Variants in DENND1A observed in about 807,000 individuals in gnomAD.
DENND1A encodes the protein DENN domain containing 1A.
A neutral mutation model predicts 113.7 loss-of-function variants in DENND1A; 51 were observed. That is an observed-to-expected ratio of 0.45 (90% CI 0.36 to 0.57). DENND1A has a LOEUF of 0.57. Among genes scored for constraint, DENND1A ranks in the 20% least tolerant of loss-of-function variants. DENND1A has a pLI of 0.00. For synonymous variants in DENND1A, 565 were observed against 570.8 expected (o/e 0.99, Z 0.14); for missense variants, 1,258 against 1,395.9 (o/e 0.90, Z 1.57).
chr9:123,711,516 T>TATATATAC lies in DENND1A; in HGVS notation c.303-34728_303-34727insGTATATAT, dbSNP rs1469171768. Among the ~76,000 whole-genome samples the TATATATAC allele has an allele frequency of 5.0e-3, 128 of 25,726 alleles. 2 individuals carry two copies. Among genetic ancestry groups the TATATATAC allele is most frequent in the African/African-American group, 0.034 (122 of 3,602 alleles). 16.9% of individuals were successfully genotyped at this position (25,726 alleles called of 152,430 possible). ...ATATATATATATATGTATATATGTA[T>TATATATAC]ATATATATATATATATATATATAAA... is the stretch of plus-strand genomic sequence containing the variant. On this transcript the variant is annotated intron_variant, in intron 5 of 23. Coordinates refer to ENST00000394215, the MANE Select transcript of DENND1A (RefSeq NM_001352964.2).
At chr9:123,646,833 C>A (rs2062362123) in intron 9 of DENND1A, among the ~76,000 whole-genome samples, 1 of 152,060 alleles carries the variant, frequency 6.6e-6, no homozygotes, top group Non-Finnish European at 1.5e-5. Flanking sequence ...GTTGGACAAG[C>A]AGAGTGACTG....
In DENND1A at chr9:123,930,102, G is replaced by A. The variant is rs903080637; in HGVS notation, c.-197C>T. On this transcript the variant is annotated 5_prime_UTR_variant, in exon 1 of 24. Transcript: ENST00000394215. Reference sequence around the variant, plus strand: ...GTTAATGTACTCGCTCCAGCCCGGCGAACGCCATGGTCGCCGGCGCGCGTG... The same window carrying A: ...GTTAATGTACTCGCTCCAGCCCGGCAAACGCCATGGTCGCCGGCGCGCGTG... 2.0e-5 allele frequency: 4 copies of A among 197,206 alleles called. No individual in the cohort carries two copies. Among genetic ancestry groups the A allele is most frequent in the Middle Eastern group, 1.8e-3 (1 of 548 alleles). The allele number at this position is 197,206 out of a possible 1,614,324, so 12.2% of individuals were successfully genotyped here. A position where few individuals can be genotyped will look rare whatever the true frequency, so the allele number is the denominator to read the frequency against.
chr9:123,528,537 T>A (rs1014231610), intron 13 of DENND1A, among the ~76,000 whole-genome samples: 11 of 152,332 alleles, frequency 7.2e-5, no homozygotes, highest in Non-Finnish European at 1.3e-4. Flanking sequence ...TGACTGATTC[T>A]CTTCAATCTC....
chr9:123,587,082 G>T (rs767012537), intron 11 of DENND1A, among the ~76,000 whole-genome samples: 1 of 151,738 alleles, frequency 6.6e-6, no homozygotes, highest in Non-Finnish European at 1.5e-5. Flanking sequence ...ACCAGCTTCT[G>T]GTCCTGCGGT....
intron 13 of DENND1A, among the ~76,000 whole-genome samples, chr9:123,484,022 T>C (rs919338372): frequency 1.3e-5 from 2 of 152,190 alleles, no homozygotes; most frequent in African/African-American, 4.8e-5. Flanking sequence ...AAATATTACA[T>C]CAATTCATCT....
intron 11 of DENND1A, among the ~76,000 whole-genome samples, chr9:123,609,116 G>A (rs948732401): frequency 2.6e-5 from 4 of 152,028 alleles, no homozygotes; most frequent in South Asian, 2.1e-4. Flanking sequence ...TTGCTATAGC[G>A]ATTAGAACAA....
chr9:123,382,570 A>G lies in DENND1A; in HGVS notation c.2075T>C (p.Leu692Pro). Residue 692 changes from leucine (L) to proline (P), a missense_variant, in exon 24 of 24, where the codon CTT becomes CCT. Physicochemically the swap from Leu to Pro is moderately conservative, Grantham distance 98 (BLOSUM62 -3). Around this residue, in one of 2 missense-constraint regions of DENND1A, gnomAD observed 1,159 missense variants for 1,231.7 expected, o/e 0.94. Coordinates refer to ENST00000394215, the MANE Select transcript of DENND1A (RefSeq NM_001352964.2). The part of the protein sequence containing the change: ...RSRGVTVALK[L>P]THPYNKLWSL... The stretch of plus-strand genomic sequence containing the variant: ...CCAGAGCTTGTTGTACGGGTGGGTA[A>G]GCTTCAAGGCCACTGTCACCCCGCG... 4.3e-6 allele frequency: 7 copies of G among 1,614,018 alleles called. No homozygotes were observed. Among genetic ancestry groups the G allele is most frequent in the Non-Finnish European group, 5.9e-6 (7 of 1,179,986 alleles).
At chr9:123,653,695 T>C (rs1009527769) in intron 8 of DENND1A, among the ~76,000 whole-genome samples, 7 of 151,962 alleles carry the variant, frequency 4.6e-5, no homozygotes, top group African/African-American at 1.5e-4. Flanking sequence ...CACAAAATTG[T>C]AGGTAAAACT....
At chr9:123,853,180 A>T (rs1843635197) in intron 2 of DENND1A, among the ~76,000 whole-genome samples, 1 of 151,178 alleles carries the variant, frequency 6.6e-6, no homozygotes, top group Admixed American at 6.6e-5. Flanking sequence ...AGCCTCCCAA[A>T]GTGCTGGGAT....
intron 5 of DENND1A, among the ~76,000 whole-genome samples, chr9:123,679,852 G>A (rs73665330): frequency 0.046 from 7,044 of 152,142 alleles, 514 homozygotes; most frequent in African/African-American, 0.16. Flanking sequence ...CTAGTACACT[G>A]CACCACCTTG....
intron 20 of DENND1A, 40 bp from the exon 21 acceptor site, chr9:123,403,530 G>A (rs1304690152): frequency 6.3e-7 from 1 of 1,579,536 alleles, no homozygotes; most frequent in South Asian, 1.1e-5. Context: ...GAAGGAGTGA[G>A]TTGGAAAAGC....
chr9:123,599,377 A>T (rs1001083342), intron 11 of DENND1A, among the ~76,000 whole-genome samples: 1 of 152,104 alleles, frequency 6.6e-6, no homozygotes, highest in Non-Finnish European at 1.5e-5. Flanking sequence ...AGCAGGGGGG[A>T]AAAAAGGCAT....
chr9:123,488,836 G>A (rs1016681088), intron 13 of DENND1A, among the ~76,000 whole-genome samples: 2 of 152,150 alleles, frequency 1.3e-5, no homozygotes, highest in Non-Finnish European at 2.9e-5. Flanking sequence ...GCACCTTTGC[G>A]TGGTGCCTGC....
At chr9:123,441,986 T>C (rs1247520333) in intron 18 of DENND1A, among the ~76,000 whole-genome samples, 1 of 152,190 alleles carries the variant, frequency 6.6e-6, no homozygotes, top group Non-Finnish European at 1.5e-5. Context: ...TATACATCTC[T>C]AAGACTCAGT....
intron 5 of DENND1A, among the ~76,000 whole-genome samples, chr9:123,712,592 C>T (rs2066702688): frequency 6.6e-6 from 1 of 152,246 alleles, no homozygotes; most frequent in African/African-American, 2.4e-5. Context: ...TTACCACCAC[C>T]ATGACGACAA....
chr9:123,882,092 G>T (rs1474356042), intron 1 of DENND1A, among the ~76,000 whole-genome samples: 1 of 151,998 alleles, frequency 6.6e-6, no homozygotes, highest in East Asian at 1.9e-4. Flanking sequence ...TTGCTTAGAT[G>T]ATCTCATTCA....
At chr9:123,594,974 G>C (rs533013163) in intron 11 of DENND1A, among the ~76,000 whole-genome samples, 1 of 152,262 alleles carries the variant, frequency 6.6e-6, no homozygotes, top group African/African-American at 2.4e-5. Context: ...ACACAAAGAG[G>C]GAAGAGTGAC....
chr9:123,475,870 C>T (rs551503915), intron 13 of DENND1A, among the ~76,000 whole-genome samples: 63 of 152,318 alleles, frequency 4.1e-4, no homozygotes, highest in Non-Finnish European at 7.2e-4. Context: ...GCTTCTTATA[C>T]GCCTCCTTCA....
chr9:123,554,398 G>A (rs1048483336), intron 13 of DENND1A, among the ~76,000 whole-genome samples: 1 of 152,060 alleles, frequency 6.6e-6, no homozygotes, highest in Non-Finnish European at 1.5e-5. Context: ...TTTATTTTTT[G>A]TAGAGATGGG....
Sources: gnomAD v4.1 joint callset for allele counts (sites outside exome capture counted in the v4.1 genomes callset) on GRCh38, gnomAD v4.1.1 for gene constraint, gnomAD v4.1.1 regional missense constraint, MANE v1.5 for transcripts, NCBI Gene and HGNC (gene_info 2026-07-23, HGNC 2026-07-21) for gene names.